COL25A1: variants seen among roughly 807,000 people sequenced by gnomAD.
COL25A1 encodes the protein collagen type XXV alpha 1 chain.
A neutral mutation model predicts 128.4 loss-of-function variants in COL25A1; 103 were observed. The ratio of observed to expected loss-of-function variants is 0.80; its 90% CI spans 0.68 to 0.94. The LOEUF (loss-of-function observed/expected upper bound fraction) is 0.94. Ranked by LOEUF, COL25A1 falls within the 40% of genes least tolerant of loss-of-function variation. The pLI is 0.00. For missense variants in COL25A1, 745 were observed against 840.0 expected (o/e 0.89, Z 1.40); for synonymous variants, 279 against 277.2 (o/e 1.01, Z -0.06).
At chr4:108,889,850 C>T (rs1741282543) in intron 16 of COL25A1, 117 bp from the exon 17 acceptor site, 1 of 768,490 alleles carries the variant, frequency 1.3e-6, no homozygotes. Flanking sequence ...ACTAATGTGC[C>T]TAACTACGTT....
At chr4:108,952,354 T>C (rs1177606690) in intron 8 of COL25A1, among the ~76,000 whole-genome samples, 4 of 151,910 alleles carry the variant, frequency 2.6e-5, no homozygotes, top group Non-Finnish European at 5.9e-5. Context: ...TTTCATGAAA[T>C]GAAAAAAATT....
intron 3 of COL25A1, among the ~76,000 whole-genome samples, chr4:109,076,450 G>A (rs1400961200): frequency 1.3e-5 from 2 of 152,022 alleles, no homozygotes; most frequent in Non-Finnish European, 2.9e-5. Context: ...CTGGTGTTCT[G>A]CTGATTCCTG....
At chr4:109,293,868 G>C (rs1724712727) in intron 3 of COL25A1, among the ~76,000 whole-genome samples, 1 of 152,050 alleles carries the variant, frequency 6.6e-6, no homozygotes, top group East Asian at 1.9e-4. Context: ...AATGATTCTG[G>C]ATTTTGAGAA....
chr4:109,155,923 C>T (rs974729630), intron 3 of COL25A1, among the ~76,000 whole-genome samples: 1 of 152,170 alleles, frequency 6.6e-6, no homozygotes, highest in Non-Finnish European at 1.5e-5. Flanking sequence ...TAAGGAAAAA[C>T]CCTGTTTTTG....
At chr4:108,973,389 A>G (rs982866880) in intron 8 of COL25A1, among the ~76,000 whole-genome samples, 1 of 152,230 alleles carries the variant, frequency 6.6e-6, no homozygotes, top group Admixed American at 6.5e-5. Context: ...AATAAATCAT[A>G]GCATAACTTT....
chr4:109,289,019 T>C (rs1724193423), intron 3 of COL25A1, among the ~76,000 whole-genome samples: 1 of 150,684 alleles, frequency 6.6e-6, no homozygotes, highest in South Asian at 2.1e-4. Flanking sequence ...ATATACAAAA[T>C]TTTTTGCTTA....
At chr4:108,914,803 GC>G (rs1264659849) in intron 13 of COL25A1, among the ~76,000 whole-genome samples, 1 of 151,940 alleles carries the variant, frequency 6.6e-6, no homozygotes, top group African/African-American at 2.4e-5. Flanking sequence ...ACAAGCATGA[GC>G]CACTGCGCCC....
At chr4:108,878,970 C>T (rs935883061) in intron 19 of COL25A1, among the ~76,000 whole-genome samples, 4 of 152,118 alleles carry the variant, frequency 2.6e-5, no homozygotes, top group Non-Finnish European at 5.9e-5. Flanking sequence ...TTTAGGAATT[C>T]ATTTCACATC....
At chr4:108,995,320 G>A (rs373832194) in intron 6 of COL25A1, among the ~76,000 whole-genome samples, 3 of 152,074 alleles carry the variant, frequency 2.0e-5, no homozygotes, top group Admixed American at 6.6e-5. Context: ...TTCGTGACAC[G>A]TGCACAAGCT....
At chr4:108,828,287 G>A (rs1427274582) in intron 32 of COL25A1, among the ~76,000 whole-genome samples, 3 of 151,978 alleles carry the variant, frequency 2.0e-5, no homozygotes, top group African/African-American at 4.8e-5. Context: ...ACAGGTGCCC[G>A]CCACGCCTGG....
intron 24 of COL25A1, among the ~76,000 whole-genome samples, chr4:108,858,615 C>A (rs193253652): frequency 6.6e-6 from 1 of 152,188 alleles, no homozygotes; most frequent in Admixed American, 6.5e-5. Context: ...GGCATTCATA[C>A]ATCCATAATG....
intron 12 of COL25A1, among the ~76,000 whole-genome samples, chr4:108,919,419 C>T (rs1176678538): frequency 6.6e-6 from 1 of 152,110 alleles, no homozygotes; most frequent in Admixed American, 6.5e-5. Context: ...CAAAATGTTC[C>T]TATGCACAAG....
intron 5 of COL25A1, among the ~76,000 whole-genome samples, chr4:109,043,012 AATAT>A (rs1760068639): frequency 6.6e-6 from 1 of 152,080 alleles, no homozygotes; most frequent in Non-Finnish European, 1.5e-5. Flanking sequence ...ATCTTATAGA[AATAT>A]GGGGGACTTT....
chr4:109,069,621 T>C (rs1762746483), intron 3 of COL25A1, among the ~76,000 whole-genome samples: 1 of 152,202 alleles, frequency 6.6e-6, no homozygotes, highest in Non-Finnish European at 1.5e-5. Flanking sequence ...AAAAGCTGAA[T>C]GGCAAACATT....
chr4:108,967,751 T>C (rs778402720), intron 8 of COL25A1, among the ~76,000 whole-genome samples: 1 of 152,172 alleles, frequency 6.6e-6, no homozygotes, highest in Non-Finnish European at 1.5e-5. Flanking sequence ...AAGACTAAGC[T>C]ATAGGCAATT....
At chr4:109,254,184 C>T (rs920914218) in intron 3 of COL25A1, among the ~76,000 whole-genome samples, 16 of 151,604 alleles carry the variant, frequency 1.1e-4, no homozygotes, top group Non-Finnish European at 1.5e-5. Context: ...TTTTATGTCA[C>T]CACAGCCAGA....
chr4:109,258,566 G>A (rs1053220265), intron 3 of COL25A1, among the ~76,000 whole-genome samples: 5 of 152,064 alleles, frequency 3.3e-5, no homozygotes, highest in African/African-American at 1.2e-4. Flanking sequence ...CACTATCATT[G>A]TTACATTATT....
chr4:109,049,069 A>AT (rs1362545764), intron 4 of COL25A1, among the ~76,000 whole-genome samples: 3 of 152,068 alleles, frequency 2.0e-5, no homozygotes, highest in African/African-American at 7.2e-5. Flanking sequence ...AAATTAATAA[A>AT]TTTTCACAAA....
At chr4:108,949,623 T>C (rs1247937881) in intron 8 of COL25A1, among the ~76,000 whole-genome samples, 1 of 151,804 alleles carries the variant, frequency 6.6e-6, no homozygotes, top group Non-Finnish European at 1.5e-5. Context: ...AACCTCTACC[T>C]CCTGGGTTCA....
Sources: gnomAD v4.1 joint callset for allele counts (sites outside exome capture counted in the v4.1 genomes callset) on GRCh38, gnomAD v4.1.1 for gene constraint, MANE v1.5 for transcripts, NCBI Gene and HGNC (gene_info 2026-07-23, HGNC 2026-07-21) for gene names.